DLG2: variants seen among roughly 807,000 people sequenced by gnomAD.
DLG2 encodes the protein discs large MAGUK scaffold protein 2.
Under a neutral mutation model 132.5 loss-of-function variants are expected in DLG2, and 45 were observed. That is an observed-to-expected ratio of 0.34 (90% CI 0.27 to 0.44). The LOEUF (loss-of-function observed/expected upper bound fraction) is 0.44. Ranked by LOEUF, DLG2 falls within the 20% of genes least tolerant of loss-of-function variation. The pLI is 1.00. For synonymous variants in DLG2, 424 were observed against 419.6 expected (o/e 1.01, Z -0.13); for missense variants, 1,045 against 1,196.9 (o/e 0.87, Z 1.87).
At chr11:84,531,182 G>T (rs911694711) in intron 7 of DLG2, among the ~76,000 whole-genome samples, 1 of 152,178 alleles carries the variant, frequency 6.6e-6, no homozygotes, top group Non-Finnish European at 1.5e-5. Context: ...CAGTAACATA[G>T]ATGGAGCCGA....
chr11:85,132,511 TAA>T (rs148179503), intron 5 of DLG2, among the ~76,000 whole-genome samples: 9 of 144,960 alleles, frequency 6.2e-5, no homozygotes, highest in African/African-American at 2.0e-4. Flanking sequence ...AATCCTGCCA[TAA>T]AAAAAAAACA....
At chr11:85,452,347 C>G (rs1186573443) in intron 3 of DLG2, 1 of 152,872 alleles carries the variant, frequency 6.5e-6, no homozygotes, top group Non-Finnish European at 1.5e-5. Context: ...GCTCTCCCTT[C>G]CATATCCTCA....
chr11:85,564,024 G>C (rs2077397086), intron 3 of DLG2, among the ~76,000 whole-genome samples: 1 of 151,852 alleles, frequency 6.6e-6, no homozygotes, highest in Non-Finnish European at 1.5e-5. Flanking sequence ...GTTTTAATTT[G>C]CATTTTCTTA....
chr11:84,623,482 G>C (rs1277902190), intron 6 of DLG2, among the ~76,000 whole-genome samples: 1 of 152,098 alleles, frequency 6.6e-6, no homozygotes, highest in East Asian at 1.9e-4. Context: ...TTATATCATT[G>C]AAAGTATGGC....
At chr11:84,636,193 C>T (rs1428988427) in intron 6 of DLG2, among the ~76,000 whole-genome samples, 1 of 152,126 alleles carries the variant, frequency 6.6e-6, no homozygotes, top group Non-Finnish European at 1.5e-5. Context: ...TATGTATATG[C>T]ACATGTGTGT....
intron 7 of DLG2, among the ~76,000 whole-genome samples, chr11:84,297,246 A>T (rs896909183): frequency 3.3e-5 from 5 of 152,136 alleles, no homozygotes; most frequent in Non-Finnish European, 7.3e-5. Flanking sequence ...AAAGAAAAGA[A>T]CAAGGGTAGT....
intron 8 of DLG2, among the ~76,000 whole-genome samples, chr11:84,222,164 C>A (rs1000459907): frequency 1.3e-5 from 2 of 152,068 alleles, no homozygotes; most frequent in African/African-American, 2.4e-5. Context: ...TCCCAAGTAG[C>A]TGGTATTACA....
chr11:85,605,696 C>T (rs181775039), intron 2 of DLG2, among the ~76,000 whole-genome samples: 76 of 152,250 alleles, frequency 5.0e-4, no homozygotes, highest in African/African-American at 1.7e-3. Context: ...AATGCTATCA[C>T]GGCTGGGAGC....
At chr11:83,554,094 G>T (rs941298833) in intron 19 of DLG2, among the ~76,000 whole-genome samples, 5 of 151,914 alleles carry the variant, frequency 3.3e-5, no homozygotes, top group Non-Finnish European at 1.5e-5. Context: ...TGTTGGCCCA[G>T]GTTGGTCTTG....
intron 10 of DLG2, among the ~76,000 whole-genome samples, chr11:84,094,601 T>C (rs937498322): frequency 6.6e-6 from 1 of 152,184 alleles, no homozygotes; most frequent in Non-Finnish European, 1.5e-5. Context: ...CTCTTCCTGG[T>C]TCATAGATAA....
intron 9 of DLG2, among the ~76,000 whole-genome samples, chr11:84,105,723 G>A (rs1286065750): frequency 5.3e-5 from 8 of 151,958 alleles, no homozygotes. Context: ...CTCAAATAAT[G>A]TTCTTTTAAC....
chr11:84,756,164 T>G (rs534976303), intron 6 of DLG2, among the ~76,000 whole-genome samples: 87 of 152,320 alleles, frequency 5.7e-4, no homozygotes, highest in African/African-American at 2.1e-3. Context: ...TGTAACTAAC[T>G]TGTAATAATT....
intron 21 of DLG2, among the ~76,000 whole-genome samples, chr11:83,531,871 G>C (rs1332165034): frequency 6.8e-6 from 1 of 148,018 alleles, no homozygotes; most frequent in Non-Finnish European, 1.5e-5. Context: ...TGAAAACAAT[G>C]TAAGTGAAAA....
At chr11:84,931,975 T>C (rs1475583871) in intron 6 of DLG2, among the ~76,000 whole-genome samples, 1 of 152,212 alleles carries the variant, frequency 6.6e-6, no homozygotes, top group African/African-American at 2.4e-5. Context: ...TTTGCTTTTT[T>C]TCTTGTAAAT....
chr11:85,543,394 C>T (rs2076100223), intron 3 of DLG2, among the ~76,000 whole-genome samples: 2 of 152,172 alleles, frequency 1.3e-5, no homozygotes, highest in Non-Finnish European at 2.9e-5. Flanking sequence ...CATTGATGGA[C>T]ATTTGGGTGG....
chr11:85,355,975 G>T (rs919330494), intron 3 of DLG2, among the ~76,000 whole-genome samples: 1 of 152,198 alleles, frequency 6.6e-6, no homozygotes, highest in Admixed American at 6.5e-5. Flanking sequence ...ATCTTGCACA[G>T]ATCACCAAAC....
chr11:84,874,622 G>T (rs745349738), intron 6 of DLG2, among the ~76,000 whole-genome samples: 2 of 152,164 alleles, frequency 1.3e-5, no homozygotes, highest in Non-Finnish European at 2.9e-5. Context: ...AGATGGATTG[G>T]CATGGAATAA....
At chr11:84,089,354 A>G (rs1463522261) in intron 10 of DLG2, among the ~76,000 whole-genome samples, 1 of 152,172 alleles carries the variant, frequency 6.6e-6, no homozygotes, top group African/African-American at 2.4e-5. Flanking sequence ...CGTGATGATT[A>G]CCAATCATTT....
chr11:84,045,667 C>A (rs1049120034), intron 11 of DLG2, among the ~76,000 whole-genome samples: 6 of 151,472 alleles, frequency 4.0e-5, no homozygotes, highest in East Asian at 1.9e-4. Context: ...ATCTGTATAT[C>A]CAATTCTGTG....
Sources: gnomAD v4.1 joint callset for allele counts (sites outside exome capture counted in the v4.1 genomes callset) on GRCh38, gnomAD v4.1.1 for gene constraint, MANE v1.5 for transcripts, NCBI Gene and HGNC (gene_info 2026-07-23, HGNC 2026-07-21) for gene names.